PRKG1: variants seen among roughly 807,000 people sequenced by gnomAD.
PRKG1 encodes the protein protein kinase cGMP-dependent 1.
In PRKG1, 35 loss-of-function variants were observed where a neutral mutation model predicts 88.1. The observed-to-expected ratio is 0.40, with a 90% CI of 0.30 to 0.53. PRKG1 has a LOEUF of 0.53. Ranked by LOEUF, PRKG1 falls within the 20% of genes least tolerant of loss-of-function variation. The pLI is 0.59. For missense variants in PRKG1, 540 were observed against 839.8 expected (o/e 0.64, Z 4.41); for synonymous variants, 303 against 292.5 (o/e 1.04, Z -0.37).
chr10:51,889,897 A>G (rs570332659), intron 4 of PRKG1, among the ~76,000 whole-genome samples: 4 of 151,958 alleles, frequency 2.6e-5, no homozygotes, highest in African/African-American at 9.7e-5. Context: ...CCACTTTTTG[A>G]TGGGGTTATT....
chr10:51,010,401 G>C (rs1317909374), intron 1 of PRKG1, among the ~76,000 whole-genome samples: 2 of 152,174 alleles, frequency 1.3e-5, no homozygotes, highest in African/African-American at 2.4e-5. Flanking sequence ...CCCTATTTCA[G>C]ACAATGCTTT....
intron 4 of PRKG1, among the ~76,000 whole-genome samples, chr10:51,885,034 C>T (rs984230528): frequency 6.6e-6 from 1 of 152,204 alleles, no homozygotes; most frequent in African/African-American, 2.4e-5. Flanking sequence ...GAATCCTTCA[C>T]TTTCTTTCAG....
chr10:51,198,959 T>C (rs1837843506), intron 2 of PRKG1, among the ~76,000 whole-genome samples: 1 of 152,226 alleles, frequency 6.6e-6, no homozygotes, highest in African/African-American at 2.4e-5. Flanking sequence ...AACTGAAATC[T>C]TATGCCTTGG....
upstream of PRKG1, among the ~76,000 whole-genome samples, chr10:51,070,843 A>G (rs1229357146): frequency 1.3e-5 from 2 of 152,224 alleles, no homozygotes; most frequent in Admixed American, 6.5e-5. Flanking sequence ...TATTAAAGTT[A>G]TGAAAAAGGA....
chr10:51,676,028 G>T (rs1840701374), intron 3 of PRKG1, among the ~76,000 whole-genome samples: 1 of 151,868 alleles, frequency 6.6e-6, no homozygotes, highest in Admixed American at 6.6e-5. Flanking sequence ...CTAGCATTTT[G>T]AGAGGCCAAA....
rs557472318 is a variant in PRKG1 at position 51,697,927 on chromosome 10, T to G, written c.593-106658T>G. ...CCTGTATACCTCCTCCTTGTATACC[T>G]CCTCCTTGTATACTGACTCCTTGTA... On this transcript the variant is annotated intron_variant, in intron 3 of 17. Transcript: ENST00000373980. 81 of 1,599,102 alleles carry G rather than the reference T, an allele frequency of 5.1e-5. No homozygotes were observed. In the Middle Eastern group the frequency reaches 9.9e-4, roughly 20 times the overall value.
chr10:52,276,175 TTTC>T (rs1841869104), intron 12 of PRKG1, among the ~76,000 whole-genome samples: 1 of 152,174 alleles, frequency 6.6e-6, no homozygotes, highest in African/African-American at 2.4e-5. Context: ...ATGCCCTTTA[TTTC>T]TTTCTCTTCT....
intron 9 of PRKG1, among the ~76,000 whole-genome samples, chr10:52,240,583 T>C (rs1215273546): frequency 6.6e-6 from 1 of 152,174 alleles, no homozygotes; most frequent in Admixed American, 6.5e-5. Flanking sequence ...GGCAGCATCA[T>C]AGAACAATGC....
At chr10:52,224,836 T>TATATATATATAC (rs1457134141) in intron 9 of PRKG1, among the ~76,000 whole-genome samples, 16 of 89,876 alleles carry the variant, frequency 1.8e-4, no homozygotes, top group South Asian at 8.8e-4. Flanking sequence ...TATATATATA[T>TATATATATATAC]ATACATACAT....
intron 7 of PRKG1, among the ~76,000 whole-genome samples, chr10:52,085,398 T>C (rs1469754566): frequency 1.3e-5 from 2 of 152,152 alleles, no homozygotes; most frequent in Non-Finnish European, 2.9e-5. Context: ...TTCTTTTCCT[T>C]CCAATTAATT....
At chr10:52,081,743 T>C (rs1241589503) in intron 7 of PRKG1, 2 of 450,256 alleles carry the variant, frequency 4.4e-6, no homozygotes, top group Admixed American at 4.8e-5. Context: ...AGGTGGTAGG[T>C]TGGAGGAATT....
chr10:51,178,676 C>T (rs1000410015), intron 2 of PRKG1, among the ~76,000 whole-genome samples: 1 of 152,044 alleles, frequency 6.6e-6, no homozygotes, highest in African/African-American at 2.4e-5. Flanking sequence ...TATCCCAAAT[C>T]CTTTCTCCTA....
At chr10:51,228,156 C>G (rs924471446) in intron 2 of PRKG1, among the ~76,000 whole-genome samples, 1 of 152,148 alleles carries the variant, frequency 6.6e-6, no homozygotes, top group African/African-American at 2.4e-5. Flanking sequence ...TTTGTGCATA[C>G]AGTTTATGTC....
chr10:51,403,788 C>T (rs950989935), intron 2 of PRKG1, among the ~76,000 whole-genome samples: 6 of 152,144 alleles, frequency 3.9e-5, no homozygotes, highest in Admixed American at 6.6e-5. Flanking sequence ...TACAAACCAT[C>T]GAATTTCTTT....
At chr10:51,925,198 G>GTT (rs796847111) in intron 5 of PRKG1, among the ~76,000 whole-genome samples, 1 of 40,312 alleles carries the variant, frequency 2.5e-5, no homozygotes, top group African/African-American at 7.7e-5. Flanking sequence ...TTAGTGGGAG[G>GTT]TTTTTTTTTT....
chr10:51,047,383 C>T (rs939611904), intron 1 of PRKG1, among the ~76,000 whole-genome samples: 8 of 152,106 alleles, frequency 5.3e-5, no homozygotes, highest in East Asian at 1.9e-4. Flanking sequence ...TTGCAAAACA[C>T]GTAGCTTGTT....
intron 1 of PRKG1, among the ~76,000 whole-genome samples, chr10:51,130,910 AC>A (rs1436268163): frequency 2.0e-5 from 3 of 152,148 alleles, no homozygotes; most frequent in Admixed American, 6.6e-5. Context: ...CTCCATCTAA[AC>A]AAAAACAAAA....
At chr10:51,495,151 G>A (rs925576300) in intron 3 of PRKG1, among the ~76,000 whole-genome samples, 8 of 152,010 alleles carry the variant, frequency 5.3e-5, no homozygotes, top group African/African-American at 1.9e-4. Flanking sequence ...CTGGAATGCA[G>A]TGGCACGATC....
At chr10:52,108,092 A>G (rs1847467592) in intron 7 of PRKG1, among the ~76,000 whole-genome samples, 1 of 152,238 alleles carries the variant, frequency 6.6e-6, no homozygotes, top group East Asian at 1.9e-4. Context: ...TTTCACAAAG[A>G]AATATGAAAA....
Sources: allele counts gnomAD v4.1 joint callset (sites outside exome capture counted in the v4.1 genomes callset), GRCh38; gene constraint gnomAD v4.1.1; transcripts MANE v1.5; gene names NCBI Gene and HGNC (gene_info 2026-07-23, HGNC 2026-07-21).